INTS10: variants seen among roughly 807,000 people sequenced by gnomAD.
INTS10 encodes the protein chromosome 8 open reading frame 35.
Under a neutral mutation model 94.4 loss-of-function variants are expected in INTS10, and 44 were observed. That is an observed-to-expected ratio of 0.47 (90% CI 0.37 to 0.60). The LOEUF (loss-of-function observed/expected upper bound fraction) is 0.60, where lower values mean the gene tolerates loss of function less well. INTS10 is among the 20% of genes least tolerant of loss of function. INTS10 has a pLI of 0.00. For synonymous variants in INTS10, 341 were observed against 320.7 expected (o/e 1.06, Z -0.68); for missense variants, 797 against 868.7 (o/e 0.92, Z 1.04).
chr8:19,825,173 A>T, intron 8 of INTS10, among the ~76,000 whole-genome samples: 1 of 152,328 alleles, frequency 6.6e-6, no homozygotes, highest in East Asian at 1.9e-4. Context: ...AAAAGTTTCT[A>T]TATCAAAGGG....
chr8:19,818,242 G>A, intron 1 of INTS10, 33 bp from the exon 2 acceptor site: 4 of 1,610,528 alleles, frequency 2.5e-6, no homozygotes, highest in Non-Finnish European at 3.4e-6. Flanking sequence ...CTGGGCAGGG[G>A]TGAGTGACCA....
In INTS10 at chr8:19,824,854, C is replaced by G. The variant is rs368776288; in HGVS notation, c.888C>G (p.Asn296Lys). ...TGAAGGATCTCTGCAGATACATGAA[C>G]AACTTTGATAGTGAAGCACATGCAA... ...HRMKDLCRYMNNFDSEAHAKY... is the reference protein window; with the variant it reads ...HRMKDLCRYMKNFDSEAHAKY... Residue 296 changes from asparagine to lysine, a missense_variant, in exon 8 of 17, where the codon AAC (asparagine) becomes AAG (lysine). Asn to Lys is a moderately conservative substitution (Grantham distance 94, BLOSUM62 0). Coordinates refer to ENST00000397977, the MANE Select transcript of INTS10 (RefSeq NM_018142.4). 3 of 1,612,654 alleles carry G rather than the reference C, an allele frequency of 1.9e-6. No individual in the cohort carries two copies. The highest frequency in any genetic ancestry group is 2.5e-6 in the Non-Finnish European group (3 of 1,178,786).
intron 11 of INTS10, 89 bp downstream of exon 11, chr8:19,832,199 TC>T: frequency 1.3e-6 from 1 of 771,936 alleles, no homozygotes; most frequent in Non-Finnish European, 2.4e-6. Flanking sequence ...TGTGTCATGT[TC>T]CCTCTTGGGC....
chr8:19,838,358 A>G (rs968532495), intron 13 of INTS10, among the ~76,000 whole-genome samples: 9 of 152,184 alleles, frequency 5.9e-5, no homozygotes, highest in African/African-American at 1.9e-4. Context: ...TCAAAAAGAA[A>G]GAAAAGAAAT....
chr8:19,831,162 A>AC (rs1213934509), intron 10 of INTS10, among the ~76,000 whole-genome samples: 1 of 152,108 alleles, frequency 6.6e-6, no homozygotes, highest in Non-Finnish European at 1.5e-5. Context: ...TAGCCCGTGG[A>AC]CATTCATCCC....
intron 11 of INTS10, among the ~76,000 whole-genome samples, chr8:19,832,873 A>G (rs1460015174): frequency 3.3e-5 from 5 of 152,188 alleles, no homozygotes; most frequent in Non-Finnish European, 2.9e-5. Flanking sequence ...AAGAAATGTT[A>G]TATCCAAATG....
chr8:19,832,961 G>A (rs1335433036), intron 11 of INTS10, among the ~76,000 whole-genome samples: 1 of 152,102 alleles, frequency 6.6e-6, no homozygotes, highest in African/African-American at 2.4e-5. Context: ...TCCTTATAAA[G>A]TACCGCCAGA....
rs542684836 is a variant in INTS10, at chr8:19,826,429, C to A, written c.1010C>A (p.Pro337His). The A allele has an allele frequency of 6.2e-7, 1 of 1,609,330 alleles. No individual in the cohort carries two copies. Among genetic ancestry groups the A allele is most frequent in the Admixed American group, 1.7e-5 (1 of 58,810 alleles). ...NSIQPSLFQG[P>H]NAPSQVPLVL... The stretch of plus-strand genomic sequence containing the variant: ...TGGTGTTTTTCCCCGTCCTTAGGTC[C>A]TAATGCCCCGAGCCAAGTTCCACTG... Residue 337 changes from proline (P) to histidine (H), a missense_variant, in exon 9 of 17, where the codon CCT (proline) becomes CAT (histidine). This residue lies in a region of INTS10 where 734 missense variants were observed against 787.8 expected (regional missense o/e 0.93). Coordinates refer to ENST00000397977, the MANE Select transcript of INTS10 (RefSeq NM_018142.4).
chr8:19,850,309 C>T (rs954797391), intron 16 of INTS10, among the ~76,000 whole-genome samples: 2 of 152,064 alleles, frequency 1.3e-5, no homozygotes, highest in Non-Finnish European at 1.5e-5. Flanking sequence ...TCTATCCTAG[C>T]GGGACCTCAC....
intron 6 of INTS10, 113 bp downstream of exon 6, chr8:19,823,554 T>C: frequency 2.5e-6 from 2 of 789,790 alleles, no homozygotes; most frequent in Non-Finnish European, 4.1e-6. Flanking sequence ...AGTTTGGGAG[T>C]GTTTCAAAAG....
At position 19,845,714 on chromosome 8, in the gene INTS10, G is replaced by A. The variant is rs2068520935; in HGVS notation, c.1893G>A (p.Met631Ile). Residue 631 changes from methionine to isoleucine, a missense_variant, in exon 16 of 17, where the codon ATG (methionine) becomes ATA (isoleucine). Met to Ile is a conservative substitution (Grantham distance 10). Coordinates refer to ENST00000397977, the MANE Select transcript of INTS10 (RefSeq NM_018142.4). ...GAATCTGGCCTGCAGATATTGATAT[G>A]CTGGAGGAATTTGCCTACTTGAGAA... is the stretch of plus-strand genomic sequence containing the variant. Reference protein sequence around the residue: ...NFFNYVTNIDMLEEFAYLRTQ... With the variant: ...NFFNYVTNIDILEEFAYLRTQ... The A allele has an allele frequency of 6.2e-7, 1 of 1,612,646 alleles. No individual in the cohort carries two copies. Among genetic ancestry groups the A allele is most frequent in the Non-Finnish European group, 8.5e-7 (1 of 1,178,674 alleles).
chr8:19,833,143 C>T, intron 11 of INTS10, 26 bp from the exon 12 acceptor site: 1 of 1,501,864 alleles, frequency 6.7e-7, no homozygotes, highest in Admixed American at 2.4e-5. Context: ...ATGCTTTTCC[C>T]CTCCTTGCTA....
intron 7 of INTS10, 178 bp from the exon 8 acceptor site, chr8:19,824,625 T>G: frequency 5.9e-6 from 3 of 509,424 alleles, no homozygotes; most frequent in Non-Finnish European, 1.0e-5. Flanking sequence ...CATGAAATCT[T>G]GATCACCACC....
Position 19,826,454 on chromosome 8 carries a change from G to A in INTS10, c.1035G>A (p.Leu345=), listed in dbSNP as rs1345394519. Residue 345 remains leucine, a synonymous_variant, in exon 9 of 17, where the codon CTG becomes CTA. Transcript: ENST00000397977. ...CTAATGCCCCGAGCCAAGTTCCACT[G>A]GTTCTTCTTGAAGATGTATCGAATG... The part of the protein sequence containing the change: ...QGPNAPSQVP[L]VLLEDVSNVY... The A allele has an allele frequency of 2.5e-6, 4 of 1,612,532 alleles. No homozygotes were observed. Among genetic ancestry groups the A allele is most frequent in the African/African-American group, 2.7e-5 (2 of 74,782 alleles).
chr8:19,844,354 G>T, intron 15 of INTS10, 116 bp downstream of exon 15: 2 of 807,742 alleles, frequency 2.5e-6, no homozygotes, highest in Non-Finnish European at 3.8e-6. Flanking sequence ...ATTTTGCAGC[G>T]AAGAGAAGGA....
intron 12 of INTS10, among the ~76,000 whole-genome samples, chr8:19,834,503 A>G (rs1226143623): frequency 6.6e-6 from 1 of 152,220 alleles, no homozygotes; most frequent in Non-Finnish European, 1.5e-5. Context: ...TCACACCGAC[A>G]TACATATCTC....
At chr8:19,830,361 A>T (rs371505966) in intron 9 of INTS10, 45 bp from the exon 10 acceptor site, 20 of 1,553,978 alleles carry the variant, frequency 1.3e-5, no homozygotes, top group African/African-American at 4.1e-5. Flanking sequence ...ATATATGACT[A>T]TATTTATAAC....
intron 7 of INTS10, 190 bp from the exon 8 acceptor site, chr8:19,824,613 G>A (rs546570636): frequency 8.0e-6 from 4 of 499,580 alleles, no homozygotes; most frequent in Admixed American, 4.0e-5. Context: ...GCATGTTTGT[G>A]TCATGAAATC....
At chr8:19,835,902 C>T (rs9987141) in intron 12 of INTS10, among the ~76,000 whole-genome samples, 125,931 of 152,138 alleles carry the variant, frequency 0.83, 52,269 homozygotes, top group Non-Finnish European at 0.86. Context: ...TGAAAAGGGT[C>T]GGGAAGCATG....
Sources: gnomAD v4.1 joint callset for allele counts (sites outside exome capture counted in the v4.1 genomes callset) on GRCh38, gnomAD v4.1.1 for gene constraint, gnomAD v4.1.1 regional missense constraint, MANE v1.5 for transcripts, NCBI Gene and HGNC (gene_info 2026-07-23, HGNC 2026-07-21) for gene names.